Variants in ITGB6 observed in about 807,000 individuals in gnomAD.
ITGB6 encodes the protein integrin beta-6.
Under a neutral mutation model 84.5 loss-of-function variants are expected in ITGB6, and 80 were observed. That is an observed-to-expected ratio of 0.95 (90% confidence interval 0.79 to 1.14). The LOEUF (loss-of-function observed/expected upper bound fraction) is 1.14, where lower values mean the gene tolerates loss of function less well. ITGB6 is among the 50% of genes most tolerant of loss of function. The pLI, the probability that ITGB6 is intolerant of heterozygous loss-of-function variation, is 0.00. For synonymous variants in ITGB6, 383 were observed against 354.9 expected (o/e 1.08, Z -0.89); for missense variants, 1,006 against 968.0 (o/e 1.04, Z -0.52).
intron 10 of ITGB6, among the ~76,000 whole-genome samples, chr2:160,135,776 C>G (rs3951229): frequency 1.3e-5 from 2 of 151,994 alleles, no homozygotes; most frequent in African/African-American, 2.4e-5. Context: ...TGATCTTTGA[C>G]AAACCTGAGA....
At chr2:160,132,482 A>G (rs575488714) in intron 10 of ITGB6, among the ~76,000 whole-genome samples, 1 of 152,240 alleles carries the variant, frequency 6.6e-6, no homozygotes, top group East Asian at 1.9e-4. Flanking sequence ...TATTTCCCCC[A>G]AAATTAGTCT....
In ITGB6 at chr2:160,184,718, C is replaced by T. The variant is rs776561652; in HGVS notation, c.594-10579G>A. ...CCAATATCCCTGATGAACATTGACG[C>T]GAAAATCCTCAAGAAAATACTGGCA... On this transcript the variant is annotated intron_variant, in intron 4 of 14. Transcript: ENST00000283249. Among the ~76,000 whole-genome samples the T allele has an allele frequency of 1.5e-4, 23 of 152,196 alleles. No homozygotes were observed. The South Asian group carries it at 2.3e-3, about 15-fold the overall frequency.
At chr2:160,140,419 C>A (rs1168407230) in intron 8 of ITGB6, among the ~76,000 whole-genome samples, 1 of 152,154 alleles carries the variant, frequency 6.6e-6, no homozygotes, top group African/African-American at 2.4e-5. Context: ...AGAGGCATGG[C>A]GGCTGCTCTT....
intron 14 of ITGB6, among the ~76,000 whole-genome samples, chr2:160,103,293 G>A (rs1233394706): frequency 1.3e-5 from 2 of 152,196 alleles, no homozygotes; most frequent in East Asian, 3.8e-4. Flanking sequence ...TGGCCTCAGT[G>A]CCCTCATTGT....
intron 7 of ITGB6, among the ~76,000 whole-genome samples, chr2:160,144,217 A>C (rs1454479610): frequency 6.6e-6 from 1 of 152,042 alleles, no homozygotes; most frequent in Non-Finnish European, 1.5e-5. Flanking sequence ...CTGAACTCTT[A>C]ACAGTGTGAG....
Position 160,107,800 on chromosome 2 carries a change from G to A in ITGB6, c.2147C>T (p.Ser716Phe), listed in dbSNP as rs775131133. The change falls in exon 14 of 15, where the codon TCC (serine) becomes TTC (phenylalanine). Residue 716 changes from serine (S) to phenylalanine (F), a missense_variant. By Grantham distance (155) the Ser-to-Phe change is radical. Transcript: ENST00000283249. Reference sequence around the variant, plus strand: ...AACCCCGATGAGAAGAATAGCCAGGGAAACCCCTAACATGATCATGGGAAT... The same window carrying A: ...AACCCCGATGAGAAGAATAGCCAGGAAAACCCCTAACATGATCATGGGAAT... ...PNIPMIMLGV[S>F]LAILLIGVVL... 2 of 1,613,866 alleles carry A rather than the reference G, an allele frequency of 1.2e-6. No homozygotes were observed. Among genetic ancestry groups the A allele is most frequent in the South Asian group, 2.2e-5 (2 of 91,042 alleles).
At chr2:160,137,052 T>TAA (rs1377896551) in intron 10 of ITGB6, among the ~76,000 whole-genome samples, 17 of 88,672 alleles carry the variant, frequency 1.9e-4, no homozygotes, top group East Asian at 7.8e-4. Context: ...AAAGTATAAA[T>TAA]AAAAAAAAAA....
chr2:160,164,675 G>A (rs1361982815), intron 7 of ITGB6, among the ~76,000 whole-genome samples: 2 of 151,802 alleles, frequency 1.3e-5, no homozygotes, highest in African/African-American at 2.4e-5. Flanking sequence ...CAGCCTGGGC[G>A]ACAGAGTGAG....
Position 160,101,182 on chromosome 2 carries a change from A to C in ITGB6, c.*554T>G, listed in dbSNP as rs990531250. ...TGTGTATAAATTCACAAAAATTATT[A>C]ACACTTAACTTTCAACCTTATATTT... On this transcript the variant is annotated 3_prime_UTR_variant, in exon 15 of 15. Coordinates refer to ENST00000283249, the MANE Select transcript of ITGB6 (RefSeq NM_000888.5). 7 of 152,478 alleles carry C rather than the reference A, an allele frequency of 4.6e-5. No homozygotes were observed. Among genetic ancestry groups the C allele is most frequent in the African/African-American group, 1.7e-4 (7 of 41,464 alleles). 9.4% of individuals were successfully genotyped at this position (152,478 alleles called of 1,614,324 possible).
At chr2:160,153,151 C>G (rs1449748238) in intron 7 of ITGB6, among the ~76,000 whole-genome samples, 1 of 152,122 alleles carries the variant, frequency 6.6e-6, no homozygotes. Context: ...GCAAAAAGAA[C>G]AAAGCTGGAG....
chr2:160,195,681 T>G (rs1197252315), intron 3 of ITGB6, 66 bp from the exon 4 acceptor site: 23 of 1,581,858 alleles, frequency 1.5e-5, no homozygotes, highest in Non-Finnish European at 2.0e-5. Flanking sequence ...TACTGGCCAC[T>G]CGCTGGGTCA....
Position 160,172,743 on chromosome 2 carries a change from A to G in ITGB6, c.760-13T>C. On this transcript the variant is annotated splice_polypyrimidine_tract_variant and intron_variant, in intron 5 of 14. Coordinates refer to ENST00000283249, the MANE Select transcript of ITGB6 (RefSeq NM_000888.5). ...AGCCAATTTTTTCCTACAGTGAGAA[A>G]GAAACATTTGTGTGATATTGGAGGG... The G allele has an allele frequency of 6.3e-7, 1 of 1,587,214 alleles. No homozygotes were observed. The highest frequency in any genetic ancestry group is 1.3e-5 in the African/African-American group (1 of 74,690).
chr2:160,182,473 C>A (rs1275306984), intron 4 of ITGB6, among the ~76,000 whole-genome samples: 2 of 152,124 alleles, frequency 1.3e-5, no homozygotes, highest in Non-Finnish European at 2.9e-5. Flanking sequence ...ATCAAAGCCT[C>A]CAAGAAATAT....
chr2:160,154,305 C>T (rs1437124671), intron 7 of ITGB6, among the ~76,000 whole-genome samples: 2 of 152,038 alleles, frequency 1.3e-5, no homozygotes, highest in Admixed American at 1.3e-4. Flanking sequence ...AAGCTGGAAC[C>T]CATCATTCTC....
At chr2:160,154,516 G>T (rs1477062141) in intron 7 of ITGB6, among the ~76,000 whole-genome samples, 1 of 152,070 alleles carries the variant, frequency 6.6e-6, no homozygotes, top group Non-Finnish European at 1.5e-5. Flanking sequence ...ACACCAACAT[G>T]GCACATGTAT....
chr2:160,109,294 T>G (rs1258021435), intron 13 of ITGB6, among the ~76,000 whole-genome samples: 1 of 152,232 alleles, frequency 6.6e-6, no homozygotes, highest in East Asian at 1.9e-4. Context: ...AAGACTATAT[T>G]CTCGCATAGC....
chr2:160,199,531 A>G (rs1686474073), intron 1 of ITGB6, among the ~76,000 whole-genome samples: 1 of 152,222 alleles, frequency 6.6e-6, no homozygotes, highest in Non-Finnish European at 1.5e-5. Context: ...TCACAAATAT[A>G]GGATTATCCT....
chr2:160,113,258 C>T (rs182784930), intron 12 of ITGB6, among the ~76,000 whole-genome samples: 175 of 152,302 alleles, frequency 1.1e-3, no homozygotes, highest in Admixed American at 2.7e-3. Flanking sequence ...AAAATAAAAA[C>T]ATTAATAAAG....
intron 4 of ITGB6, chr2:160,178,889 G>A (rs1011080219): frequency 3.3e-5 from 5 of 152,048 alleles, no homozygotes; most frequent in African/African-American, 1.2e-4. Context: ...TAGAGATGGA[G>A]TCTCACCATG....
Sources: gnomAD v4.1 joint callset for allele counts (sites outside exome capture counted in the v4.1 genomes callset) on GRCh38, gnomAD v4.1.1 for gene constraint, MANE v1.5 for transcripts, NCBI Gene and HGNC (gene_info 2026-07-23, HGNC 2026-07-21) for gene names.